ARMH3: variants seen among roughly 807,000 people sequenced by gnomAD.
ARMH3 encodes armadillo like helical domain containing 3.
A neutral mutation model predicts 99.1 loss-of-function variants in ARMH3; 60 were observed. That is an observed-to-expected ratio of 0.61 (90% CI 0.49 to 0.75). ARMH3 has a LOEUF of 0.75. Among genes scored for constraint, ARMH3 ranks in the 30% least tolerant of loss-of-function variants. The pLI, the probability that ARMH3 is intolerant of heterozygous loss-of-function variation, is 0.00. For synonymous variants in ARMH3, 285 were observed against 292.8 expected (o/e 0.97, Z 0.27); for missense variants, 679 against 843.1 (o/e 0.81, Z 2.41).
At chr10:101,912,556 T>G (rs934012308) in intron 23 of ARMH3, among the ~76,000 whole-genome samples, 7 of 152,232 alleles carry the variant, frequency 4.6e-5, no homozygotes, top group Non-Finnish European at 5.9e-5. Flanking sequence ...AGCTCATTTA[T>G]TCTAGTAACT....
chr10:101,927,022 T>C (rs1843534126), intron 23 of ARMH3, among the ~76,000 whole-genome samples: 1 of 152,170 alleles, frequency 6.6e-6, no homozygotes, highest in South Asian at 2.1e-4. Flanking sequence ...ACCTTTCTTC[T>C]ACACTGCTTC....
chr10:101,936,343 T>C (rs1843973655), intron 23 of ARMH3, among the ~76,000 whole-genome samples: 1 of 151,266 alleles, frequency 6.6e-6, no homozygotes, highest in Non-Finnish European at 1.5e-5. Flanking sequence ...AATACAAAAA[T>C]TAGCCGGGAA....
At chr10:101,965,363 T>C (rs1276221262) in intron 20 of ARMH3, among the ~76,000 whole-genome samples, 1 of 152,062 alleles carries the variant, frequency 6.6e-6, no homozygotes, top group Non-Finnish European at 1.5e-5. Flanking sequence ...TCCTCACTGA[T>C]AGGTAAAAGG....
chr10:101,902,977 A>G (rs1443057041), intron 23 of ARMH3, among the ~76,000 whole-genome samples: 1 of 152,200 alleles, frequency 6.6e-6, no homozygotes, highest in Non-Finnish European at 1.5e-5. Flanking sequence ...TTGTCTCCAC[A>G]GGAGGCTGGT....
At chr10:101,984,152 T>G (rs934726593) in intron 19 of ARMH3, among the ~76,000 whole-genome samples, 2 of 152,140 alleles carry the variant, frequency 1.3e-5, no homozygotes, top group African/African-American at 4.8e-5. Context: ...CGTTGTTGAG[T>G]GAGAAAACAG....
intron 19 of ARMH3, among the ~76,000 whole-genome samples, chr10:101,978,043 C>CA (rs1408404513): frequency 6.6e-6 from 1 of 151,950 alleles, no homozygotes; most frequent in African/African-American, 2.4e-5. Context: ...CTCCATCTCC[C>CA]AAAAAAGGGG....
At chr10:102,035,495 A>G (rs950652907) in intron 2 of ARMH3, among the ~76,000 whole-genome samples, 6 of 151,420 alleles carry the variant, frequency 4.0e-5, no homozygotes, top group Non-Finnish European at 8.8e-5. Context: ...GCTCACTGCA[A>G]CCTCCCTGCC....
intron 23 of ARMH3, among the ~76,000 whole-genome samples, chr10:101,900,686 A>T (rs2067952201): frequency 6.6e-6 from 1 of 152,230 alleles, no homozygotes; most frequent in African/African-American, 2.4e-5. Flanking sequence ...TCACTTCAAA[A>T]ATAAAGGCGA....
intron 24 of ARMH3, among the ~76,000 whole-genome samples, chr10:101,886,058 A>C (rs552927229): frequency 7.7e-6 from 1 of 129,678 alleles, no homozygotes; most frequent in Non-Finnish European, 1.7e-5. Context: ...ACTCCATCTC[A>C]AAAAAAAAAA....
chr10:101,988,629 A>C (rs1326352400), intron 19 of ARMH3, among the ~76,000 whole-genome samples: 1 of 152,196 alleles, frequency 6.6e-6, no homozygotes, highest in Non-Finnish European at 1.5e-5. Context: ...TAAGCAATCT[A>C]AGAAGCCGGA....
intron 19 of ARMH3, among the ~76,000 whole-genome samples, chr10:101,985,114 T>C (rs987712493): frequency 1.2e-4 from 15 of 128,084 alleles, no homozygotes; most frequent in Non-Finnish European, 1.2e-4. Context: ...CACACACACG[T>C]GTACATATAT....
chr10:101,934,450 C>T (rs962653763), intron 23 of ARMH3, among the ~76,000 whole-genome samples: 5 of 152,188 alleles, frequency 3.3e-5, no homozygotes, highest in Non-Finnish European at 7.3e-5. Context: ...TTCCAAACCC[C>T]AGGCTTGTCA....
chr10:101,948,626 A>T (rs1844656797), intron 22 of ARMH3, among the ~76,000 whole-genome samples: 3 of 152,346 alleles, frequency 2.0e-5, no homozygotes, highest in South Asian at 2.1e-4. Context: ...AAAAGAACCA[A>T]AAGGGGAAAA....
chr10:102,023,747 C>A lies in ARMH3; in HGVS notation c.510G>T (p.Val170=). Residue 170 remains valine, a splice_region_variant and synonymous_variant, in exon 7 of 26, where the codon GTG becomes GTT. Transcript: ENST00000370033. ...TAGTGTTCTGGCTGATGTTATCTGTCACCTGAATGTAATAAAAGGCTTTTT... is the reference window on the plus strand; with the variant it reads ...TAGTGTTCTGGCTGATGTTATCTGTAACCTGAATGTAATAAAAGGCTTTTT... ...CLKLLLCLVT[V]TDNISQNTIL... is the part of the protein sequence containing the mutation. The A allele has an allele frequency of 6.2e-7, 1 of 1,613,934 alleles. No homozygotes were observed. The highest frequency in any genetic ancestry group is 8.5e-7 in the Non-Finnish European group (1 of 1,179,824).
intron 20 of ARMH3, among the ~76,000 whole-genome samples, chr10:101,972,951 C>CT (rs1331052006): frequency 6.6e-6 from 1 of 152,154 alleles, no homozygotes. Flanking sequence ...AAAGACATAA[C>CT]GTCAACTGAC....
At chr10:101,957,593 T>C (rs375807542) in intron 21 of ARMH3, 57 bp downstream of exon 21, 4 of 1,539,044 alleles carry the variant, frequency 2.6e-6, no homozygotes, top group Non-Finnish European at 2.6e-6. Flanking sequence ...TTCAAACCAG[T>C]GCATTTCTGC....
chr10:101,984,084 G>A (rs1425684143), intron 19 of ARMH3, among the ~76,000 whole-genome samples: 3 of 152,134 alleles, frequency 2.0e-5, no homozygotes, highest in Non-Finnish European at 4.4e-5. Context: ...TGCTTGCTTG[G>A]TGTGTAGGGA....
chr10:101,969,377 G>C (rs2135889730), intron 20 of ARMH3, among the ~76,000 whole-genome samples: 1 of 151,942 alleles, frequency 6.6e-6, no homozygotes, highest in Admixed American at 6.5e-5. Flanking sequence ...ATCAAGAGGG[G>C]CTGCTGAACT....
chr10:101,928,744 G>C (rs1339832163), intron 23 of ARMH3, among the ~76,000 whole-genome samples: 1 of 152,074 alleles, frequency 6.6e-6, no homozygotes, highest in South Asian at 2.1e-4. Flanking sequence ...TTTTGTTTTT[G>C]TTTGAGGCAG....
Sources: gnomAD v4.1 joint callset for allele counts (sites outside exome capture counted in the v4.1 genomes callset) on GRCh38, gnomAD v4.1.1 for gene constraint, MANE v1.5 for transcripts, NCBI Gene and HGNC (gene_info 2026-07-23, HGNC 2026-07-21) for gene names.